Variants in CACNA2D3 observed in about 807,000 individuals in gnomAD.
CACNA2D3 encodes the protein voltage-dependent calcium channel subunit alpha-2/delta-3.
Under a neutral mutation model 160.6 loss-of-function variants are expected in CACNA2D3, and 60 were observed. That is an observed-to-expected ratio of 0.37 (90% CI 0.30 to 0.46). The LOEUF (loss-of-function observed/expected upper bound fraction) is 0.46. Among genes scored for constraint, CACNA2D3 ranks in the 20% least tolerant of loss-of-function variants. The pLI, the probability that CACNA2D3 is intolerant of heterozygous loss-of-function variation, is 1.00. For synonymous variants in CACNA2D3, 558 were observed against 492.9 expected, an observed-to-expected ratio of 1.13 and a Z score of -1.75; for missense variants, 1,205 against 1,365.0, an observed-to-expected ratio of 0.88 and a Z score of 1.85.
intron 13 of CACNA2D3, among the ~76,000 whole-genome samples, chr3:54,796,999 C>G (rs1452714485): frequency 6.6e-6 from 1 of 152,284 alleles, no homozygotes; most frequent in African/African-American, 2.4e-5. Context: ...AATTATACCC[C>G]TAAGCCACTT....
At chr3:54,639,194 G>A (rs1413939010) in intron 10 of CACNA2D3, 3 of 151,608 alleles carry the variant, frequency 2.0e-5, no homozygotes, top group African/African-American at 7.3e-5. Flanking sequence ...GCTGCTAAGG[G>A]TGAAGGAGAA....
chr3:54,618,011 A>C (rs2106798455), intron 9 of CACNA2D3, among the ~76,000 whole-genome samples: 1 of 151,216 alleles, frequency 6.6e-6, no homozygotes, highest in East Asian at 2.0e-4. Context: ...ATACTTTCAT[A>C]GACTAAAAAT....
chr3:54,495,203 T>A (rs966654363), intron 4 of CACNA2D3, among the ~76,000 whole-genome samples: 2 of 152,138 alleles, frequency 1.3e-5, no homozygotes, highest in African/African-American at 4.8e-5. Flanking sequence ...AAGTATGATG[T>A]TTTTATTTCT....
At chr3:54,513,093 A>G (rs1701485736) in intron 5 of CACNA2D3, among the ~76,000 whole-genome samples, 1 of 152,128 alleles carries the variant, frequency 6.6e-6, no homozygotes, top group Non-Finnish European at 1.5e-5. Flanking sequence ...AACACATGGG[A>G]ATTCAAGATG....
chr3:54,910,774 T>C (rs1265861876), intron 27 of CACNA2D3, among the ~76,000 whole-genome samples: 3 of 152,202 alleles, frequency 2.0e-5, no homozygotes, highest in African/African-American at 7.2e-5. Flanking sequence ...GATGCCAGGC[T>C]GAAGTCCTGA....
chr3:54,702,186 C>T (rs143558516), intron 11 of CACNA2D3, among the ~76,000 whole-genome samples: 4 of 152,252 alleles, frequency 2.6e-5, no homozygotes, highest in African/African-American at 9.6e-5. Context: ...AATAACCATT[C>T]TGGACATAGG....
intron 9 of CACNA2D3, among the ~76,000 whole-genome samples, chr3:54,601,079 A>G (rs1703051187): frequency 1.3e-5 from 2 of 152,160 alleles, no homozygotes; most frequent in Non-Finnish European, 2.9e-5. Context: ...ATGCTGGAGG[A>G]GACTTGGTCG....
chr3:54,928,497 G>A (rs930025912), intron 27 of CACNA2D3, among the ~76,000 whole-genome samples: 1 of 152,158 alleles, frequency 6.6e-6, no homozygotes, highest in Non-Finnish European at 1.5e-5. Context: ...TTGGCCTGCT[G>A]GAGGCTGACA....
chr3:54,955,353 G>C (rs1701861014), intron 27 of CACNA2D3, among the ~76,000 whole-genome samples: 2 of 152,082 alleles, frequency 1.3e-5, no homozygotes, highest in South Asian at 4.1e-4. Context: ...AAGTCTGTCT[G>C]GGCTGGTGAT....
intron 4 of CACNA2D3, among the ~76,000 whole-genome samples, chr3:54,446,933 C>T (rs1700231478): frequency 6.6e-6 from 1 of 152,178 alleles, no homozygotes; most frequent in African/African-American, 2.4e-5. Context: ...AGGCCTCTTC[C>T]AAATTGTGCA....
intron 27 of CACNA2D3, chr3:54,918,556 G>A (rs200474589): frequency 2.4e-5 from 38 of 1,613,814 alleles, no homozygotes; most frequent in Admixed American, 1.0e-4. Flanking sequence ...TGTGATTGCC[G>A]CATAGGTGCA....
intron 25 of CACNA2D3, 129 bp from the exon 26 acceptor site, chr3:54,896,620 A>C: frequency 1.9e-6 from 2 of 1,070,152 alleles, no homozygotes; most frequent in South Asian, 2.8e-5. Context: ...CCCCCTCTAT[A>C]CTGAGAAAGG....
chr3:55,002,869 G>A (rs78013152), intron 31 of CACNA2D3, among the ~76,000 whole-genome samples: 8,820 of 152,174 alleles, frequency 0.058, 326 homozygotes, highest in Non-Finnish European at 0.087. Flanking sequence ...TCCATTTATC[G>A]GTAATGTCCG....
intron 11 of CACNA2D3, among the ~76,000 whole-genome samples, chr3:54,735,752 T>C (rs1450049238): frequency 1.3e-5 from 2 of 151,878 alleles, no homozygotes; most frequent in Non-Finnish European, 2.9e-5. Flanking sequence ...ACCTCAGAGC[T>C]GCACAGGAGA....
At chr3:54,501,691 A>T (rs960643053) in intron 4 of CACNA2D3, among the ~76,000 whole-genome samples, 3 of 151,702 alleles carry the variant, frequency 2.0e-5, no homozygotes, top group African/African-American at 4.9e-5. Flanking sequence ...AAGTTCTGGG[A>T]TTACAAGTGT....
chr3:54,777,359 C>G (rs1284125027), intron 13 of CACNA2D3, among the ~76,000 whole-genome samples: 2 of 152,158 alleles, frequency 1.3e-5, no homozygotes, highest in Non-Finnish European at 2.9e-5. Context: ...AGGGCTCCTC[C>G]TAACCTTACT....
intron 27 of CACNA2D3, among the ~76,000 whole-genome samples, chr3:54,911,216 A>G (rs1700546885): frequency 2.6e-5 from 4 of 152,272 alleles, no homozygotes; most frequent in African/African-American, 7.2e-5. Flanking sequence ...TGTAAATTCT[A>G]GTTGTCTCAA....
intron 17 of CACNA2D3, among the ~76,000 whole-genome samples, chr3:54,859,972 G>GCGCGCGCACA (rs535185040): frequency 0.011 from 1,450 of 133,864 alleles, 35 homozygotes; most frequent in African/African-American, 0.037. Context: ...GAAAGTAGAT[G>GCGCGCGCACA]CACACACACA....
At chr3:54,868,153 C>T (rs1324312035) in intron 17 of CACNA2D3, among the ~76,000 whole-genome samples, 1 of 152,142 alleles carries the variant, frequency 6.6e-6, no homozygotes, top group African/African-American at 2.4e-5. Context: ...TAGCTCTTGG[C>T]CTGTTATATC....
Sources: gnomAD v4.1 joint callset for allele counts (sites outside exome capture counted in the v4.1 genomes callset) on GRCh38, gnomAD v4.1.1 for gene constraint, MANE v1.5 for transcripts, NCBI Gene and HGNC (gene_info 2026-07-23, HGNC 2026-07-21) for gene names.